PRKG1: variants seen among roughly 807,000 people sequenced by gnomAD.
The protein encoded by PRKG1 is cGMP-dependent protein kinase 1.
In PRKG1, 35 loss-of-function variants were observed where a neutral mutation model predicts 88.1. The observed-to-expected ratio is 0.40, with a 90% CI of 0.30 to 0.53. PRKG1 has a LOEUF of 0.53. Ranked by LOEUF, PRKG1 falls within the 20% of genes least tolerant of loss-of-function variation. The pLI, the probability that PRKG1 is intolerant of heterozygous loss-of-function variation, is 0.59. For missense variants in PRKG1, 540 were observed against 839.8 expected, an observed-to-expected ratio of 0.64 and a Z score of 4.41; for synonymous variants, 303 against 292.5, an observed-to-expected ratio of 1.04 and a Z score of -0.37.
chr10:52,085,197 C>T (rs1473094735), intron 7 of PRKG1, among the ~76,000 whole-genome samples: 1 of 152,002 alleles, frequency 6.6e-6, no homozygotes, highest in African/African-American at 2.4e-5. Flanking sequence ...AATAAACAAC[C>T]TGTAAGGAAA....
At chr10:51,603,098 C>A (rs1838660438) in intron 3 of PRKG1, among the ~76,000 whole-genome samples, 4 of 151,958 alleles carry the variant, frequency 2.6e-5, no homozygotes, top group Admixed American at 2.6e-4. Context: ...GCTAGGATTA[C>A]AAGTGCAGAC....
At chr10:52,230,436 T>C (rs1414142724) in intron 9 of PRKG1, among the ~76,000 whole-genome samples, 2 of 152,256 alleles carry the variant, frequency 1.3e-5, no homozygotes, top group Non-Finnish European at 2.9e-5. Context: ...CATTCTCTCA[T>C]TTATTAATAT....
intron 2 of PRKG1, among the ~76,000 whole-genome samples, chr10:51,309,647 A>C (rs1477264816): frequency 2.0e-5 from 3 of 152,198 alleles, no homozygotes; most frequent in South Asian, 2.1e-4. Context: ...AATTATTGAG[A>C]ATATAAGTTA....
intron 2 of PRKG1, among the ~76,000 whole-genome samples, chr10:51,450,189 TA>T (rs1461374710): frequency 1.3e-5 from 2 of 151,984 alleles, no homozygotes; most frequent in Non-Finnish European, 2.9e-5. Context: ...GGTTTCTTTA[TA>T]AAAAGTTCTT....
At chr10:52,254,437 G>A (rs758413964) in intron 10 of PRKG1, among the ~76,000 whole-genome samples, 2 of 151,904 alleles carry the variant, frequency 1.3e-5, no homozygotes, top group Non-Finnish European at 2.9e-5. Flanking sequence ...TGTTGAGCAG[G>A]TAAATGACAT....
chr10:51,446,674 G>A (rs1038040841), intron 2 of PRKG1, among the ~76,000 whole-genome samples: 4 of 152,036 alleles, frequency 2.6e-5, no homozygotes, highest in African/African-American at 9.7e-5. Flanking sequence ...CTAATTAGAT[G>A]TGATCTTCAT....
At chr10:51,629,544 A>T (rs1483459248) in intron 3 of PRKG1, among the ~76,000 whole-genome samples, 1 of 151,934 alleles carries the variant, frequency 6.6e-6, no homozygotes, top group African/African-American at 2.4e-5. Context: ...TCGCTGCAGA[A>T]AACCCTGCTT....
At chr10:52,056,011 T>C (rs1360764608) in intron 6 of PRKG1, among the ~76,000 whole-genome samples, 2 of 152,122 alleles carry the variant, frequency 1.3e-5, no homozygotes, top group South Asian at 4.1e-4. Flanking sequence ...AAGAAAACAA[T>C]ATTTATATTT....
intron 2 of PRKG1, among the ~76,000 whole-genome samples, chr10:51,267,476 A>G (rs1839866097): frequency 6.6e-6 from 1 of 152,190 alleles, no homozygotes; most frequent in South Asian, 2.1e-4. Flanking sequence ...TTTATATCTG[A>G]ATCTTTCTGC....
At chr10:51,096,205 G>A (rs1314437859) in intron 1 of PRKG1, among the ~76,000 whole-genome samples, 1 of 152,044 alleles carries the variant, frequency 6.6e-6, no homozygotes, top group East Asian at 1.9e-4. Context: ...GGTGAAAGAA[G>A]GAAAGATAGG....
chr10:51,529,956 C>T (rs951070039), intron 3 of PRKG1, among the ~76,000 whole-genome samples: 2 of 152,138 alleles, frequency 1.3e-5, no homozygotes, highest in Non-Finnish European at 2.9e-5. Flanking sequence ...CTCCTCCTAG[C>T]CTGCTTTCTT....
At chr10:51,934,605 T>C (rs1842764691) in intron 5 of PRKG1, among the ~76,000 whole-genome samples, 1 of 152,132 alleles carries the variant, frequency 6.6e-6, no homozygotes, top group Non-Finnish European at 1.5e-5. Context: ...AAGGCTGACA[T>C]GGTTTCCGTT....
chr10:51,317,984 T>G (rs970452803), intron 2 of PRKG1, among the ~76,000 whole-genome samples: 2 of 152,224 alleles, frequency 1.3e-5, no homozygotes, highest in Non-Finnish European at 2.9e-5. Context: ...AAGCCTTCTC[T>G]GAGTTAATCC....
intron 5 of PRKG1, among the ~76,000 whole-genome samples, chr10:52,013,898 C>T (rs1387336315): frequency 6.6e-6 from 1 of 152,120 alleles, no homozygotes; most frequent in African/African-American, 2.4e-5. Context: ...GCTTTCTCTC[C>T]TTGATTTTGT....
chr10:51,078,224 T>C (rs945283063), intron 1 of PRKG1, among the ~76,000 whole-genome samples: 2 of 151,890 alleles, frequency 1.3e-5, no homozygotes, highest in African/African-American at 4.8e-5. Context: ...CTTTTTCCTT[T>C]GTTGTTGTTG....
chr10:51,310,265 T>C (rs1351151651), intron 2 of PRKG1, among the ~76,000 whole-genome samples: 1 of 152,206 alleles, frequency 6.6e-6, no homozygotes, highest in African/African-American at 2.4e-5. Context: ...TTTCCTACAG[T>C]ATCACTTGGA....
At chr10:51,264,869 G>T (rs1839799879) in intron 2 of PRKG1, among the ~76,000 whole-genome samples, 1 of 152,138 alleles carries the variant, frequency 6.6e-6, no homozygotes, top group Non-Finnish European at 1.5e-5. Context: ...GTCCTTTTAA[G>T]TTGTAAGTAT....
chr10:51,895,718 T>C (rs1459111879), intron 4 of PRKG1, among the ~76,000 whole-genome samples: 5 of 152,160 alleles, frequency 3.3e-5, no homozygotes, highest in Non-Finnish European at 7.3e-5. Flanking sequence ...TCAGGGTTTT[T>C]GGTCAATACT....
At chr10:51,910,993 A>G (rs1369089545) in intron 5 of PRKG1, 2 of 152,202 alleles carry the variant, frequency 1.3e-5, no homozygotes, top group South Asian at 2.1e-4. Context: ...TGTGATCCAT[A>G]TACAGATTCT....
Sources: gnomAD v4.1 joint callset for allele counts (sites outside exome capture counted in the v4.1 genomes callset) on GRCh38, gnomAD v4.1.1 for gene constraint, MANE v1.5 for transcripts, NCBI Gene and HGNC (gene_info 2026-07-23, HGNC 2026-07-21) for gene names.